Variants in OSBPL10 observed in about 807,000 individuals in gnomAD.
OSBPL10 encodes the protein oxysterol binding protein like 10, also known as oxysterol-binding protein-related protein 10.
A neutral mutation model predicts 81.7 loss-of-function variants in OSBPL10; 49 were observed. The ratio of observed to expected loss-of-function variants is 0.60; its 90% CI spans 0.48 to 0.76. The LOEUF (loss-of-function observed/expected upper bound fraction) is 0.76. Ranked by LOEUF, OSBPL10 falls within the 30% of genes least tolerant of loss-of-function variation. The probability of loss-of-function intolerance (pLI) is 0.00; values close to 1 mark genes in which losing one functional copy is unlikely to be tolerated. For missense variants in OSBPL10, 923 were observed against 987.8 expected (o/e 0.93, Z 0.88); for synonymous variants, 419 against 383.6 (o/e 1.09, Z -1.08).
intron 1 of OSBPL10, among the ~76,000 whole-genome samples, chr3:32,073,369 C>G (rs1052825845): frequency 7.2e-5 from 11 of 152,120 alleles, no homozygotes; most frequent in African/African-American, 2.7e-4. Flanking sequence ...ACTCTACAAC[C>G]TCGATGGACA....
chr3:31,935,152 C>A (rs1386796774), intron 1 of OSBPL10, among the ~76,000 whole-genome samples: 1 of 152,142 alleles, frequency 6.6e-6, no homozygotes, highest in Non-Finnish European at 1.5e-5. Flanking sequence ...GCCCTGCAAC[C>A]ACTTCTACTT....
At chr3:31,965,598 TATATA>T (rs1283081926) in intron 1 of OSBPL10, among the ~76,000 whole-genome samples, 718 of 64,206 alleles carry the variant, frequency 0.011, 1 homozygote, top group Non-Finnish European at 0.016. Flanking sequence ...AATTATATAT[TATATA>T]ATATATTATA....
intron 4 of OSBPL10, among the ~76,000 whole-genome samples, chr3:31,769,563 ATAT>A (rs932887014): frequency 1.2e-4 from 18 of 145,814 alleles, no homozygotes; most frequent in East Asian, 3.9e-4. Flanking sequence ...ATATATTTTT[ATAT>A]TATAACTCAT....
chr3:31,988,973 C>T (rs112426339), intron 2 of OSBPL10: 35 of 1,465,980 alleles, frequency 2.4e-5, no homozygotes, highest in African/African-American at 2.3e-4. Flanking sequence ...CCTTAAGCCA[C>T]GAAGTTTGTG....
At chr3:31,943,190 A>T (rs1697584499) in intron 1 of OSBPL10, among the ~76,000 whole-genome samples, 2 of 152,248 alleles carry the variant, frequency 1.3e-5, no homozygotes, top group Admixed American at 6.5e-5. Context: ...TCAGAGCTAC[A>T]TTCCTTTTCA....
At chr3:31,785,072 A>G (rs1397044230) in intron 4 of OSBPL10, among the ~76,000 whole-genome samples, 1 of 151,882 alleles carries the variant, frequency 6.6e-6, no homozygotes, top group Non-Finnish European at 1.5e-5. Flanking sequence ...TTTAGTAGAG[A>G]TGGGGTTTCC....
In OSBPL10 at chr3:31,799,560, C is replaced by T. The variant is rs142561866; in HGVS notation, c.729+30480G>A. Among the ~76,000 whole-genome samples, 91 of 152,140 alleles carry T rather than the reference C, an allele frequency of 6.0e-4. 1 individual carries two copies. The highest frequency in any genetic ancestry group is 2.1e-3 in the African/African-American group (86 of 41,510). ...AAATAATTATTGTAATAGGGCATAGCTCATGGAGGTGTTGGTGAAGATGAA... is the reference window on the plus strand; with the variant it reads ...AAATAATTATTGTAATAGGGCATAGTTCATGGAGGTGTTGGTGAAGATGAA... On this transcript the variant is annotated intron_variant, in intron 4 of 11. Transcript: ENST00000396556.
At chr3:31,748,697 G>C (rs1697618852) in intron 4 of OSBPL10, among the ~76,000 whole-genome samples, 1 of 149,724 alleles carries the variant, frequency 6.7e-6, no homozygotes, top group South Asian at 2.1e-4. Flanking sequence ...CACCAGGAGA[G>C]ATGTCAGGAA....
intron 2 of OSBPL10, among the ~76,000 whole-genome samples, chr3:32,019,913 G>T (rs1699346611): frequency 6.6e-6 from 1 of 152,084 alleles, no homozygotes; most frequent in Non-Finnish European, 1.5e-5. Context: ...GACTATTGTG[G>T]TGAGGGTGCT....
intron 1 of OSBPL10, among the ~76,000 whole-genome samples, chr3:32,047,556 A>G (rs796332371): frequency 1.8e-4 from 27 of 152,178 alleles, no homozygotes; most frequent in African/African-American, 5.8e-4. Context: ...ATGCTATTAC[A>G]TTATAATTAG....
At chr3:31,900,621 C>CT (rs1341519081) in intron 1 of OSBPL10, among the ~76,000 whole-genome samples, 1 of 152,184 alleles carries the variant, frequency 6.6e-6, no homozygotes, top group Non-Finnish European at 1.5e-5. Flanking sequence ...ATTACTTTGT[C>CT]TTTATTCTAG....
intron 2 of OSBPL10, among the ~76,000 whole-genome samples, chr3:31,995,033 T>C (rs1231585483): frequency 6.6e-6 from 1 of 151,922 alleles, no homozygotes; most frequent in African/African-American, 2.4e-5. Flanking sequence ...GAATAGGGAG[T>C]AGGTCACATG....
chr3:31,771,685 G>A (rs534409174), intron 4 of OSBPL10, among the ~76,000 whole-genome samples: 4 of 152,280 alleles, frequency 2.6e-5, no homozygotes, highest in African/African-American at 9.6e-5. Flanking sequence ...TCCAGAGGAA[G>A]GTCTTCAGGA....
Position 31,788,785 on chromosome 3 carries a change from A to T in OSBPL10, c.730-40665T>A, listed in dbSNP as rs547248596. ...AAAGTGAGACCTTGCCTCTAAAAAAAAATAATAATAAAAATAAATTGGCTT... is the reference window on the plus strand; with the variant it reads ...AAAGTGAGACCTTGCCTCTAAAAAATAATAATAATAAAAATAAATTGGCTT... On this transcript the variant is annotated intron_variant, in intron 4 of 11. Transcript: ENST00000396556. Among the ~76,000 whole-genome samples, 332 of 152,274 alleles carry T rather than the reference A, an allele frequency of 2.2e-3. 5 individuals carry two copies. The highest frequency in any genetic ancestry group is 7.7e-3 in the African/African-American group (320 of 41,568).
chr3:31,961,519 T>A (rs1698159361), intron 1 of OSBPL10, among the ~76,000 whole-genome samples: 2 of 152,146 alleles, frequency 1.3e-5, no homozygotes, highest in African/African-American at 4.8e-5. Flanking sequence ...ATTTAGAGAG[T>A]GTGTGTGTTA....
At chr3:31,689,250 G>A (rs1015348548) in intron 7 of OSBPL10, among the ~76,000 whole-genome samples, 2 of 152,162 alleles carry the variant, frequency 1.3e-5, no homozygotes, top group Admixed American at 6.5e-5. Context: ...TTGACTAAAG[G>A]AGACTAGAGA....
intron 7 of OSBPL10, among the ~76,000 whole-genome samples, chr3:31,692,063 AG>A (rs1695572913): frequency 6.6e-6 from 1 of 152,194 alleles, no homozygotes; most frequent in African/African-American, 2.4e-5. Flanking sequence ...AGATGGGAAG[AG>A]TTTGAAATAA....
At chr3:31,977,044 C>T (rs12485651) in intron 1 of OSBPL10, among the ~76,000 whole-genome samples, 12,129 of 152,144 alleles carry the variant, frequency 0.08, 1,048 homozygotes, top group East Asian at 0.48. Context: ...AATGAAAGTT[C>T]ATACAGCCAG....
intron 5 of OSBPL10, among the ~76,000 whole-genome samples, chr3:31,734,559 G>A (rs541525693): frequency 5.3e-5 from 8 of 152,138 alleles, no homozygotes; most frequent in South Asian, 2.1e-4. Flanking sequence ...GCAACAAGGC[G>A]AAACCCTATC....
Sources: allele counts gnomAD v4.1 joint callset (sites outside exome capture counted in the v4.1 genomes callset), GRCh38; gene constraint gnomAD v4.1.1; transcripts MANE v1.5; gene names NCBI Gene and HGNC (gene_info 2026-07-23, HGNC 2026-07-21).